Variants in BEND7 observed in about 807,000 individuals in gnomAD.
BEND7 encodes BEN domain containing 7.
A neutral mutation model predicts 50.9 loss-of-function variants in BEND7; 28 were observed. The observed-to-expected ratio is 0.55, with a 90% CI of 0.41 to 0.75. The LOEUF (loss-of-function observed/expected upper bound fraction) is 0.75. Among genes scored for constraint, BEND7 ranks in the 30% least tolerant of loss-of-function variants. The probability of loss-of-function intolerance (pLI) is 0.00; values close to 1 mark genes in which losing one functional copy is unlikely to be tolerated. For synonymous variants in BEND7, 170 were observed against 183.9 expected, an observed-to-expected ratio of 0.92 and a Z score of 0.61; for missense variants, 477 against 491.3, an observed-to-expected ratio of 0.97 and a Z score of 0.28.
At chr10:13,492,126 G>A (rs2076706809) in intron 5 of BEND7, among the ~76,000 whole-genome samples, 1 of 152,086 alleles carries the variant, frequency 6.6e-6, no homozygotes, top group African/African-American at 2.4e-5. Context: ...ATTACACGGA[G>A]TAAATGGCAT....
At chr10:13,476,369 C>T (rs919262010) in intron 6 of BEND7, among the ~76,000 whole-genome samples, 6 of 152,144 alleles carry the variant, frequency 3.9e-5, no homozygotes, top group Non-Finnish European at 7.3e-5. Context: ...CAAGGCTGGC[C>T]TCTCAGGAGA....
chr10:13,510,735 A>G (rs1462806060), intron 2 of BEND7, among the ~76,000 whole-genome samples: 1 of 152,232 alleles, frequency 6.6e-6, no homozygotes, highest in East Asian at 1.9e-4. Flanking sequence ...TGAAATAAAT[A>G]AAGATTAGGT....
intron 6 of BEND7, among the ~76,000 whole-genome samples, chr10:13,472,005 C>T (rs1018619350): frequency 1.3e-5 from 2 of 151,188 alleles, no homozygotes; most frequent in African/African-American, 2.4e-5. Context: ...GGGGTCGATA[C>T]CCGTCACCAC....
At chr10:13,494,134 C>T (rs1412364474) in intron 4 of BEND7, among the ~76,000 whole-genome samples, 2 of 152,112 alleles carry the variant, frequency 1.3e-5, no homozygotes, top group Non-Finnish European at 2.9e-5. Flanking sequence ...AACTGAGATG[C>T]CGGGCCAGGC....
At chr10:13,494,343 G>A (rs546494575) in intron 4 of BEND7, among the ~76,000 whole-genome samples, 17 of 152,346 alleles carry the variant, frequency 1.1e-4, no homozygotes, top group African/African-American at 3.6e-4. Flanking sequence ...CTTGAACCCA[G>A]GAGGCGGAGG....
At position 13,478,728 on chromosome 10, in the gene BEND7, TAAACACTGCAAATAA is replaced by T. The variant is rs563698190; in HGVS notation, c.1063+2156_1063+2170del. 1.2e-3 allele frequency among the ~76,000 whole-genome samples: 182 copies of T among 152,312 alleles called. 5 individuals are homozygous for T. In the South Asian group the frequency reaches 0.03, roughly 25 times the overall value. ...CAAAATCAAAATATATGTCTATGAA[TAAACACTGCAAATAA>T]AAACACTGCAAATAGATAAATATAA... On this transcript the variant is annotated intron_variant, in intron 6 of 8. Transcript: ENST00000466271.
In BEND7 at chr10:13,460,203, G is replaced by A. The variant is rs566564642; in HGVS notation, c.1064-7545C>T. 11 of 153,548 alleles carry A rather than the reference G, an allele frequency of 7.2e-5. No individual in the cohort carries two copies. The East Asian group carries it at 1.7e-3, about 24-fold the overall frequency. 9.5% of individuals were successfully genotyped at this position (153,548 alleles called of 1,614,324 possible). ...CAAAAGGAGGAAGTCAGCCGGCAGG[G>A]AGGAGAGGATGAAGCAGATGCGCAA... On this transcript the variant is annotated intron_variant, in intron 6 of 8. Transcript: ENST00000466271.
chr10:13,515,512 G>A (rs542923528), intron 2 of BEND7, among the ~76,000 whole-genome samples: 1 of 152,160 alleles, frequency 6.6e-6, no homozygotes, highest in African/African-American at 2.4e-5. Flanking sequence ...CAAGGATATT[G>A]GTTGTATGGA....
chr10:13,446,966 A>C (rs1302864702), intron 8 of BEND7: 5 of 387,206 alleles, frequency 1.3e-5, no homozygotes, highest in Non-Finnish European at 2.3e-5. Context: ...TTTCACGTTA[A>C]AAATATTTTG....
chr10:13,502,891 C>T (rs987936904), intron 2 of BEND7: 3 of 985,638 alleles, frequency 3.0e-6, no homozygotes, highest in Non-Finnish European at 3.6e-6. Flanking sequence ...CAGCTTGCTT[C>T]TCTACACTAA....
rs1837995464 is a variant in BEND7 at position 13,452,602 on chromosome 10, C to T, written c.1120G>A (p.Asp374Asn). The T allele has an allele frequency of 6.2e-7, 1 of 1,613,284 alleles. No individual in the cohort carries two copies. The highest frequency in any genetic ancestry group is 8.5e-7 in the Non-Finnish European group (1 of 1,179,566). ...NHVDKLPGPRDWVQILQDQIK... is the reference protein window; with the variant it reads ...NHVDKLPGPRNWVQILQDQIK... ...TGATCCTGTAGAATCTGTACCCAATCTCTTGGGCCAGGAAGCTTATCCACA... is the reference window on the plus strand; with the variant it reads ...TGATCCTGTAGAATCTGTACCCAATTTCTTGGGCCAGGAAGCTTATCCACA... The change falls in exon 7 of 9, where the codon GAT becomes AAT. Residue 374 changes from aspartate (D) to asparagine (N), a missense_variant. Physicochemically the swap from Asp to Asn is conservative, Grantham distance 23. Coordinates refer to ENST00000466271, the MANE Select transcript of BEND7 (RefSeq NM_001369863.1).
chr10:13,513,654 T>C (rs540461193), intron 2 of BEND7, among the ~76,000 whole-genome samples: 94 of 152,330 alleles, frequency 6.2e-4, no homozygotes, highest in African/African-American at 2.2e-3. Flanking sequence ...TCCATGGGGC[T>C]ACTGCCACAA....
intron 2 of BEND7, among the ~76,000 whole-genome samples, chr10:13,508,247 A>T (rs913497227): frequency 2.6e-5 from 4 of 152,226 alleles, no homozygotes; most frequent in Non-Finnish European, 4.4e-5. Context: ...GGGACACACA[A>T]GACTGGGAGT....
At chr10:13,470,417 G>A (rs2074699264) in intron 6 of BEND7, among the ~76,000 whole-genome samples, 2 of 151,742 alleles carry the variant, frequency 1.3e-5, no homozygotes, top group Admixed American at 6.5e-5. Flanking sequence ...ACAGGAGGCT[G>A]TTTTTGTCAC....
intron 2 of BEND7, among the ~76,000 whole-genome samples, chr10:13,510,871 T>A (rs1353593811): frequency 1.6e-4 from 23 of 146,686 alleles, no homozygotes; most frequent in African/African-American, 4.0e-4. Context: ...TGATTGGATT[T>A]AAAAAAAAAA....
Position 13,528,680 on chromosome 10 carries a change from G to A in BEND7, c.-147C>T, listed in dbSNP as rs2132869643. On this transcript the variant is annotated 5_prime_UTR_variant, in exon 1 of 9. Coordinates refer to ENST00000466271, the MANE Select transcript of BEND7 (RefSeq NM_001369863.1). ...CCGCGCCTGGAGTCGGCGAGGGGAGGCCGCGGGACGGGAGGAACCACCGCG... is the reference window on the plus strand; with the variant it reads ...CCGCGCCTGGAGTCGGCGAGGGGAGACCGCGGGACGGGAGGAACCACCGCG... 1 of 231,588 alleles carries A rather than the reference G, an allele frequency of 4.3e-6. No individual in the cohort carries two copies. The highest frequency in any genetic ancestry group is 7.0e-6 in the Non-Finnish European group (1 of 142,480). The allele number at this position is 231,588 out of a possible 1,614,324, so 14.3% of individuals were successfully genotyped here. A position where few individuals can be genotyped will look rare whatever the true frequency, so the allele number is the denominator to read the frequency against.
chr10:13,494,904 C>A, intron 4 of BEND7, among the ~76,000 whole-genome samples: 1 of 152,182 alleles, frequency 6.6e-6, no homozygotes, highest in East Asian at 1.9e-4. Context: ...CCACATGACA[C>A]AAATTTTTAA....
chr10:13,503,347 C>T (rs1412036337), intron 2 of BEND7, among the ~76,000 whole-genome samples: 2 of 152,188 alleles, frequency 1.3e-5, no homozygotes, highest in Non-Finnish European at 2.9e-5. Flanking sequence ...GGCAGAAGGC[C>T]AGAAGCAGGT....
In BEND7 at chr10:13,517,065, C is replaced by CT. The variant is rs5783329; in HGVS notation, c.145+9072dup. ...TTGCCCTATTAGGGTTTTCTGGTGG[C>CT]TTTTTTTTTTTTTTTTTTGAGACAG... On this transcript the variant is annotated intron_variant, in intron 2 of 8. Transcript: ENST00000466271. 7.7e-3 allele frequency among the ~76,000 whole-genome samples: 972 copies of CT among 126,070 alleles called. 13 individuals are homozygous for CT. The highest frequency in any genetic ancestry group is 0.021 in the African/African-American group (742 of 34,656). 82.7% of individuals were successfully genotyped at this position (126,070 alleles called of 152,430 possible). A position where few individuals can be genotyped will look rare whatever the true frequency, so the allele number is the denominator to read the frequency against.
Sources: gnomAD v4.1 joint callset for allele counts (sites outside exome capture counted in the v4.1 genomes callset) on GRCh38, gnomAD v4.1.1 for gene constraint, MANE v1.5 for transcripts, NCBI Gene and HGNC (gene_info 2026-07-23, HGNC 2026-07-21) for gene names.